The following CD244 variants were observed in gnomAD, a reference collection of about 807,000 sequenced individuals.
CD244 encodes CD244 molecule, also known as natural killer cell receptor 2B4.
Under a neutral mutation model 45.5 loss-of-function variants are expected in CD244, and 20 were observed. The observed-to-expected ratio is 0.44, with a 90% CI of 0.31 to 0.64. The LOEUF (loss-of-function observed/expected upper bound fraction) is 0.64, where lower values mean the gene tolerates loss of function less well. Ranked by LOEUF, CD244 falls within the 30% of genes least tolerant of loss-of-function variation. The probability of loss-of-function intolerance (pLI) is 0.08; values close to 1 mark genes in which losing one functional copy is unlikely to be tolerated. For synonymous variants in CD244, 185 were observed against 160.5 expected (o/e 1.15, Z -1.15); for missense variants, 407 against 426.9 (o/e 0.95, Z 0.41).
intron 1 of CD244, among the ~76,000 whole-genome samples, chr1:160,847,830 C>A (rs73021996): frequency 0.012 from 1,851 of 151,822 alleles, 33 homozygotes; most frequent in African/African-American, 0.043. Flanking sequence ...TGATGATAAT[C>A]CAGAGAAAGG....
At position 160,841,346 on chromosome 1, in the gene CD244, T is replaced by C; in HGVS notation, c.519A>G (p.Thr173=). 1 of 1,614,248 alleles carries C rather than the reference T, an allele frequency of 6.2e-7. No individual in the cohort carries two copies. The highest frequency in any genetic ancestry group is 1.7e-5 in the Admixed American group (1 of 60,030). The change falls in exon 3 of 9, where the codon ACA becomes ACG. Residue 173 remains threonine (T), a synonymous_variant. Coordinates refer to ENST00000368034, the MANE Select transcript of CD244 (RefSeq NM_016382.4). Reference sequence around the variant, plus strand: ...CGTCCAGGTAGGTGAGGTTCCCTGCTGTCTGGATCAGCTTGCTCCCTCTGT... The same window carrying C: ...CGTCCAGGTAGGTGAGGTTCCCTGCCGTCTGGATCAGCTTGCTCCCTCTGT... The part of the protein sequence containing the change: ...AWYRGSKLIQ[T]AGNLTYLDEE...
At chr1:160,860,188 A>G (rs1670248972) in intron 1 of CD244, among the ~76,000 whole-genome samples, 2 of 152,164 alleles carry the variant, frequency 1.3e-5, no homozygotes, top group Admixed American at 1.3e-4. Flanking sequence ...AGCCCAGGCC[A>G]CAGAGCGAGA....
chr1:160,841,858 C>T lies in CD244; in HGVS notation c.105G>A (p.Val35=). Residue 35 remains valine, a synonymous_variant, in exon 2 of 9, where the codon GTG becomes GTA. Transcript: ENST00000368034. ...TGCTGTTTGGTTGTAACTGAAGAGG[C>T]ACTCCCGAGATGCTAACCACATGGT... ...SADHVVSISG[V]PLQLQPNSIQ... is the part of the protein sequence containing the mutation. The T allele has an allele frequency of 6.2e-7, 1 of 1,614,124 alleles. No homozygotes were observed.
In CD244 at chr1:160,841,349, C is replaced by A; in HGVS notation, c.516G>T (p.Gln172His). ...CCAGGTAGGTGAGGTTCCCTGCTGTCTGGATCAGCTTGCTCCCTCTGTACC... is the reference window on the plus strand; with the variant it reads ...CCAGGTAGGTGAGGTTCCCTGCTGTATGGATCAGCTTGCTCCCTCTGTACC... ...YAWYRGSKLIQTAGNLTYLDE... is the reference protein window; with the variant it reads ...YAWYRGSKLIHTAGNLTYLDE... Residue 172 changes from glutamine to histidine, a missense_variant, in exon 3 of 9, where the codon CAG becomes CAT. Physicochemically the swap from Gln to His is conservative, Grantham distance 24 (BLOSUM62 0). Coordinates refer to ENST00000368034, the MANE Select transcript of CD244 (RefSeq NM_016382.4). 6.2e-7 allele frequency: 1 copy of A among 1,614,218 alleles called. No individual in the cohort carries two copies. The highest frequency in any genetic ancestry group is 8.5e-7 in the Non-Finnish European group (1 of 1,180,048).
At chr1:160,845,812 C>A (rs564057997) in intron 1 of CD244, among the ~76,000 whole-genome samples, 1 of 150,668 alleles carries the variant, frequency 6.6e-6, no homozygotes, top group Non-Finnish European at 1.5e-5. Context: ...GCCGAGATCA[C>A]GCCACTGCAC....
At chr1:160,858,093 AAAC>A (rs1218222032) in intron 1 of CD244, among the ~76,000 whole-genome samples, 1 of 151,868 alleles carries the variant, frequency 6.6e-6, no homozygotes, top group Non-Finnish European at 1.5e-5. Context: ...TTAAAAAAAA[AAAC>A]AAGACATGCC....
intron 5 of CD244, 120 bp downstream of exon 5, chr1:160,838,331 G>C (rs537456435): frequency 5.6e-5 from 44 of 786,402 alleles, no homozygotes; most frequent in South Asian, 5.5e-4. Context: ...GGGAAGGGCT[G>C]AGGGTCACAT....
chr1:160,835,257 T>A (rs1177240724), intron 6 of CD244, among the ~76,000 whole-genome samples: 1 of 152,110 alleles, frequency 6.6e-6, no homozygotes, highest in African/African-American at 2.4e-5. Flanking sequence ...ATTTCTGTAA[T>A]CCCAGAATAT....
At chr1:160,862,066 C>A (rs12046019) in intron 1 of CD244, among the ~76,000 whole-genome samples, 1 of 151,728 alleles carries the variant, frequency 6.6e-6, no homozygotes, top group Non-Finnish European at 1.5e-5. Context: ...CTGCCCCAAC[C>A]CTGCATGTCC....
At chr1:160,845,647 G>A (rs1432635723) in intron 1 of CD244, among the ~76,000 whole-genome samples, 1 of 152,152 alleles carries the variant, frequency 6.6e-6, no homozygotes, top group Non-Finnish European at 1.5e-5. Flanking sequence ...CCTGACGTCA[G>A]GAGTTTGAGA....
intron 6 of CD244, among the ~76,000 whole-genome samples, 182 bp from the exon 7 acceptor site, chr1:160,834,298 T>C (rs898882956): frequency 1.6e-4 from 25 of 152,382 alleles, no homozygotes; most frequent in African/African-American, 6.0e-4. Context: ...CTGTCATTAA[T>C]GAAAGCTTCT....
In CD244 at chr1:160,838,487, G is replaced by A. The variant is rs200584018; in HGVS notation, c.798C>T (p.Tyr266=). The part of the protein sequence containing the change: ...ETSPKEFLTI[Y]EDVKDLKTRR... ...TGGTTTTCAGATCCTTGACATCTTC[G>A]TAAATTGTCAAAAATTCCTTGGGAC... is the stretch of plus-strand genomic sequence containing the variant. The change falls in exon 5 of 9, where the codon TAC becomes TAT. Residue 266 remains tyrosine, a synonymous_variant. Coordinates refer to ENST00000368034, the MANE Select transcript of CD244 (RefSeq NM_016382.4). 21 of 1,613,544 alleles carry A rather than the reference G, an allele frequency of 1.3e-5. No homozygotes were observed. The highest frequency in any genetic ancestry group is 4.4e-5 in the South Asian group (4 of 91,080).
At chr1:160,837,479 A>AAAAT (rs1194211541) in intron 5 of CD244, among the ~76,000 whole-genome samples, 2 of 152,226 alleles carry the variant, frequency 1.3e-5, no homozygotes, top group Admixed American at 6.5e-5. Flanking sequence ...TGCTGGGGCA[A>AAAAT]AAATAAATAA....
At chr1:160,838,329 CT>C in intron 5 of CD244, 121 bp downstream of exon 5, 1 of 780,516 alleles carries the variant, frequency 1.3e-6, no homozygotes, top group South Asian at 1.4e-5. Flanking sequence ...TGGGGAAGGG[CT>C]GAGGGTCACA....
At chr1:160,832,856 ATGTG>A (rs1553194331) in intron 7 of CD244, 5 of 313,402 alleles carry the variant, frequency 1.6e-5, no homozygotes, top group Non-Finnish European at 3.0e-5. Flanking sequence ...CCATACACAT[ATGTG>A]TGTGTGTGTG....
At chr1:160,832,447 G>A (rs371279286) in intron 8 of CD244, 72 bp downstream of exon 8, 4 of 893,010 alleles carry the variant, frequency 4.5e-6, no homozygotes, top group Non-Finnish European at 7.1e-6. Context: ...TTTCCTAAGT[G>A]TACCCTTTCA....
chr1:160,841,251 T>C lies in CD244; in HGVS notation c.614A>G (p.His205Arg). The C allele has an allele frequency of 6.2e-7, 1 of 1,614,234 alleles. No individual in the cohort carries two copies. Among genetic ancestry groups the C allele is most frequent in the East Asian group, 2.2e-5 (1 of 44,890 alleles). ...ACAGTCCTGAGTGAGATTCAGGGTGTGGCTTTCCCAGCTAACAGGATTGCT... is the reference window on the plus strand; with the variant it reads ...ACAGTCCTGAGTGAGATTCAGGGTGCGGCTTTCCCAGCTAACAGGATTGCT... ...NVSNPVSWESHTLNLTQDCQN... is the reference protein window; with the variant it reads ...NVSNPVSWESRTLNLTQDCQN... Residue 205 changes from histidine (H) to arginine (R), a missense_variant, in exon 3 of 9, where the codon CAC (histidine) becomes CGC (arginine). Physicochemically the swap from His to Arg is conservative, Grantham distance 29 (BLOSUM62 0). Transcript: ENST00000368034.
intron 1 of CD244, among the ~76,000 whole-genome samples, chr1:160,846,392 T>C (rs2779792): frequency 0.51 from 76,884 of 152,146 alleles, 20,209 homozygotes; most frequent in African/African-American, 0.66. Flanking sequence ...TGAAAGCAGA[T>C]GCAGTGGCTC....
chr1:160,840,373 T>G (rs1669493682), intron 3 of CD244, among the ~76,000 whole-genome samples: 1 of 152,194 alleles, frequency 6.6e-6, no homozygotes, highest in South Asian at 2.1e-4. Flanking sequence ...GCAATTCTCC[T>G]GCCTCAGCCT....
Sources: allele counts gnomAD v4.1 joint callset (sites outside exome capture counted in the v4.1 genomes callset), GRCh38; gene constraint gnomAD v4.1.1; transcripts MANE v1.5; gene names NCBI Gene and HGNC (gene_info 2026-07-23, HGNC 2026-07-21).